FRS2: variants seen among roughly 807,000 people sequenced by gnomAD.
The protein encoded by FRS2 is FGFR signalling adaptor.
FRS2 carries 8 observed loss-of-function variants against 43.9 expected under a neutral mutation model. The ratio of observed to expected loss-of-function variants is 0.18; its 90% CI spans 0.11 to 0.33. The LOEUF is 0.33. Ranked by LOEUF, FRS2 falls within the 10% of genes least tolerant of loss-of-function variation. The pLI, the probability that FRS2 is intolerant of heterozygous loss-of-function variation, is 1.00. For missense variants in FRS2, 534 were observed against 627.6 expected (o/e 0.85, Z 1.59); for synonymous variants, 219 against 220.3 (o/e 0.99, Z 0.05).
At chr12:69,526,144 A>G (rs988977376) in intron 1 of FRS2, among the ~76,000 whole-genome samples, 1 of 152,182 alleles carries the variant, frequency 6.6e-6, no homozygotes, top group Non-Finnish European at 1.5e-5. Context: ...GGTGTGAGCC[A>G]TGGTGCCTGG....
At chr12:69,560,720 G>T (rs1879808398) in intron 3 of FRS2, among the ~76,000 whole-genome samples, 1 of 152,310 alleles carries the variant, frequency 6.6e-6, no homozygotes, top group African/African-American at 2.4e-5. Context: ...TAGAAAAATA[G>T]GGTGGTGGTA....
At chr12:69,489,681 AAAAG>A (rs1239222811) in intron 1 of FRS2, among the ~76,000 whole-genome samples, 1 of 151,938 alleles carries the variant, frequency 6.6e-6, no homozygotes, top group African/African-American at 2.4e-5. Flanking sequence ...AAAAAAAAAA[AAAAG>A]AAAATTATTG....
chr12:69,510,518 T>G (rs936201578), intron 1 of FRS2, among the ~76,000 whole-genome samples: 3 of 152,176 alleles, frequency 2.0e-5, no homozygotes, highest in African/African-American at 7.2e-5. Flanking sequence ...TCCAAATTGA[T>G]TGAACACCCT....
At chr12:69,560,392 G>T (rs1001534440) in intron 3 of FRS2, among the ~76,000 whole-genome samples, 2 of 152,216 alleles carry the variant, frequency 1.3e-5, no homozygotes, top group African/African-American at 4.8e-5. Context: ...TCAAAGGCAT[G>T]CAGCATTGTA....
At chr12:69,510,954 G>C (rs531977344) in intron 1 of FRS2, among the ~76,000 whole-genome samples, 3 of 152,106 alleles carry the variant, frequency 2.0e-5, no homozygotes, top group Admixed American at 6.6e-5. Context: ...AATTATCTTC[G>C]TGGACAGTGT....
intron 1 of FRS2, among the ~76,000 whole-genome samples, chr12:69,509,188 T>C (rs901072245): frequency 6.6e-6 from 1 of 152,206 alleles, no homozygotes; most frequent in African/African-American, 2.4e-5. Flanking sequence ...CAGTAAGACA[T>C]TTTGTCTTGC....
At chr12:69,475,602 G>T (rs953806792) in intron 1 of FRS2, among the ~76,000 whole-genome samples, 19 of 152,194 alleles carry the variant, frequency 1.2e-4, no homozygotes, top group African/African-American at 4.6e-4. Flanking sequence ...GATAATGGCT[G>T]GGACCTCTGA....
intron 1 of FRS2, among the ~76,000 whole-genome samples, chr12:69,521,368 C>T (rs1326033597): frequency 2.6e-5 from 4 of 152,156 alleles, no homozygotes; most frequent in Non-Finnish European, 4.4e-5. Flanking sequence ...TTGACTTCCT[C>T]GCCTCCTATT....
At chr12:69,495,094 TCCCTGGTATC>T (rs972627809) in intron 1 of FRS2, among the ~76,000 whole-genome samples, 5 of 152,144 alleles carry the variant, frequency 3.3e-5, no homozygotes, top group African/African-American at 1.2e-4. Context: ...AATTCAGTAT[TCCCTGGTATC>T]GATATGAGGA....
chr12:69,548,200 A>G (rs960289579), intron 3 of FRS2, among the ~76,000 whole-genome samples: 1 of 152,198 alleles, frequency 6.6e-6, no homozygotes, highest in Non-Finnish European at 1.5e-5. Flanking sequence ...CTGTGTTGAT[A>G]AAAGACTAGA....
rs1027149122 is a variant in FRS2, at chr12:69,578,426, G to A, written c.*3471G>A. 3 of 152,478 alleles carry A rather than the reference G, an allele frequency of 2.0e-5. No individual in the cohort carries two copies. The highest frequency in any genetic ancestry group is 4.4e-5 in the Non-Finnish European group (3 of 68,006). 9.4% of individuals were successfully genotyped at this position (152,478 alleles called of 1,614,324 possible). Reference sequence around the variant, plus strand: ...TTGAAAAATTAACATATTTTATGACGTACCACAGTATACTCTGCCCAAACC... The same window carrying A: ...TTGAAAAATTAACATATTTTATGACATACCACAGTATACTCTGCCCAAACC... On this transcript the variant is annotated 3_prime_UTR_variant, in exon 9 of 9. Coordinates refer to ENST00000549921, the MANE Select transcript of FRS2 (RefSeq NM_001278356.2).
intron 4 of FRS2, among the ~76,000 whole-genome samples, chr12:69,566,538 C>T (rs1032128341): frequency 6.6e-6 from 1 of 151,444 alleles, no homozygotes; most frequent in African/African-American, 2.4e-5. Flanking sequence ...ACCTGGGGGG[C>T]GGATATTGCA....
chr12:69,497,857 C>G (rs940607288), intron 1 of FRS2, among the ~76,000 whole-genome samples: 4 of 152,178 alleles, frequency 2.6e-5, no homozygotes, highest in Non-Finnish European at 5.9e-5. Flanking sequence ...ATAGAAAGTC[C>G]TTGGAGAGTT....
At chr12:69,541,709 C>T (rs1877917873) in intron 3 of FRS2, among the ~76,000 whole-genome samples, 1 of 151,706 alleles carries the variant, frequency 6.6e-6, no homozygotes, top group South Asian at 2.1e-4. Context: ...TCTGTAGTCC[C>T]AGCTACTCGG....
At chr12:69,559,984 G>A (rs1271273925) in intron 3 of FRS2, among the ~76,000 whole-genome samples, 4 of 152,072 alleles carry the variant, frequency 2.6e-5, no homozygotes, top group Non-Finnish European at 4.4e-5. Context: ...CCCCCTCATT[G>A]CTAGTGAACC....
chr12:69,517,312 A>G (rs994066510), intron 1 of FRS2, among the ~76,000 whole-genome samples: 3 of 152,238 alleles, frequency 2.0e-5, no homozygotes, highest in African/African-American at 7.2e-5. Context: ...TATAAGGTAT[A>G]TATGAAATGT....
intron 5 of FRS2, among the ~76,000 whole-genome samples, chr12:69,569,731 T>G (rs1478540014): frequency 6.6e-6 from 1 of 152,180 alleles, no homozygotes; most frequent in Non-Finnish European, 1.5e-5. Context: ...TTATGAGGGT[T>G]AAATACATGT....
chr12:69,537,501 C>T (rs1335055433), intron 3 of FRS2, among the ~76,000 whole-genome samples: 1 of 152,108 alleles, frequency 6.6e-6, no homozygotes, highest in Non-Finnish European at 1.5e-5. Flanking sequence ...ATATTGAAGA[C>T]ATTATTCCAG....
chr12:69,478,638 T>C (rs1205927372), intron 1 of FRS2, among the ~76,000 whole-genome samples: 2 of 152,204 alleles, frequency 1.3e-5, no homozygotes, highest in Non-Finnish European at 2.9e-5. Context: ...TCTAAATTTT[T>C]GGGGAGGAGC....
Sources: allele counts gnomAD v4.1 joint callset (sites outside exome capture counted in the v4.1 genomes callset), GRCh38; gene constraint gnomAD v4.1.1; transcripts MANE v1.5; gene names NCBI Gene and HGNC (gene_info 2026-07-23, HGNC 2026-07-21).